The following STK24 variants were observed in gnomAD, a reference collection of about 807,000 sequenced individuals.
STK24 encodes the protein serine/threonine kinase 24.
In STK24, 21 loss-of-function variants were observed where a neutral mutation model predicts 55.6. The ratio of observed to expected loss-of-function variants is 0.38; its 90% CI spans 0.27 to 0.54. STK24 has a LOEUF of 0.54. Among genes scored for constraint, STK24 ranks in the 20% least tolerant of loss-of-function variants. The pLI is 0.79. For missense variants in STK24, 383 were observed against 538.4 expected (o/e 0.71, Z 2.86); for synonymous variants, 200 against 215.2 (o/e 0.93, Z 0.62).
At position 98,535,362 on chromosome 13, in the gene STK24, AAAAAAAAAAT is replaced by A. The variant is rs1566391893; in HGVS notation, c.43-15899_43-15890del. On this transcript the variant is annotated intron_variant, in intron 1 of 10. Transcript: ENST00000539966. Reference sequence around the variant, plus strand: ...CAAACAAACAAACAAACAAACAAACAAAAAAAAAATATATATATATATATATATGTGTGTA... The same window carrying A: ...CAAACAAACAAACAAACAAACAAACAATATATATATATATATATGTGTGTA... Among the ~76,000 whole-genome samples the A allele has an allele frequency of 6.8e-3, 107 of 15,656 alleles. 1 individual carries two copies. The highest frequency in any genetic ancestry group is 0.013 in the East Asian group (7 of 520). 10.3% of individuals were successfully genotyped at this position (15,656 alleles called of 152,430 possible). A position where few individuals can be genotyped will look rare whatever the true frequency, so the allele number is the denominator to read the frequency against.
At chr13:98,571,070 A>G (rs967083139) in intron 1 of STK24, among the ~76,000 whole-genome samples, 3 of 152,190 alleles carry the variant, frequency 2.0e-5, no homozygotes, top group Admixed American at 2.0e-4. Flanking sequence ...GCTCTGAATC[A>G]TCGGGAGTAA....
chr13:98,511,024 T>C (rs999118614), intron 2 of STK24, among the ~76,000 whole-genome samples: 69 of 152,126 alleles, frequency 4.5e-4, no homozygotes, highest in Non-Finnish European at 9.6e-4. Flanking sequence ...AGATAGACAG[T>C]GTCTCACTCT....
chr13:98,562,174 A>G (rs1389383371), intron 1 of STK24, among the ~76,000 whole-genome samples: 1 of 152,222 alleles, frequency 6.6e-6, no homozygotes, highest in Non-Finnish European at 1.5e-5. Context: ...AAATGTGTGT[A>G]CGCAGACAAC....
At chr13:98,513,434 G>A (rs1466422895) in intron 2 of STK24, among the ~76,000 whole-genome samples, 1 of 152,174 alleles carries the variant, frequency 6.6e-6, no homozygotes, top group African/African-American at 2.4e-5. Context: ...AAGCATCCCT[G>A]GCCTCCACCC....
chr13:98,494,092 T>G (rs1289364739), intron 2 of STK24, among the ~76,000 whole-genome samples: 4 of 144,984 alleles, frequency 2.8e-5, no homozygotes, highest in Admixed American at 6.8e-5. Context: ...TCCGCCCGCC[T>G]CGGCCTCCCA....
intron 1 of STK24, among the ~76,000 whole-genome samples, chr13:98,540,590 A>G (rs1424992958): frequency 6.6e-6 from 1 of 152,056 alleles, no homozygotes; most frequent in African/African-American, 2.4e-5. Context: ...TGATTTACCT[A>G]AACTTCACAT....
intron 2 of STK24, among the ~76,000 whole-genome samples, chr13:98,509,132 A>T (rs1301553887): frequency 6.6e-6 from 1 of 152,232 alleles, no homozygotes; most frequent in East Asian, 1.9e-4. Context: ...CATGTAATAA[A>T]CACATTAAAC....
chr13:98,496,915 AACAG>A (rs1386248725), intron 2 of STK24, among the ~76,000 whole-genome samples: 4 of 152,338 alleles, frequency 2.6e-5, no homozygotes, highest in African/African-American at 9.6e-5. Flanking sequence ...GAAGTCACAA[AACAG>A]ACAGTGAAAT....
chr13:98,552,600 G>T (rs1336463340), intron 1 of STK24, among the ~76,000 whole-genome samples: 7 of 152,130 alleles, frequency 4.6e-5, no homozygotes, highest in Non-Finnish European at 8.8e-5. Flanking sequence ...AGAGCTATGA[G>T]AACTGCCCAT....
intron 7 of STK24, among the ~76,000 whole-genome samples, chr13:98,463,447 AG>A (rs1893796208): frequency 6.6e-6 from 1 of 152,216 alleles, no homozygotes; most frequent in Admixed American, 6.5e-5. Context: ...TGAAACAGCC[AG>A]GTCCAGTTCC....
At chr13:98,485,874 T>C (rs1168247944) in intron 2 of STK24, among the ~76,000 whole-genome samples, 1 of 152,194 alleles carries the variant, frequency 6.6e-6, no homozygotes, top group African/African-American at 2.4e-5. Context: ...CTGGCACTTC[T>C]GGGGCTCTCT....
intron 1 of STK24, chr13:98,542,955 A>G: frequency 1.0e-6 from 1 of 985,402 alleles, no homozygotes; most frequent in Non-Finnish European, 1.2e-6. Flanking sequence ...GGGACGGAGT[A>G]CCAAGTCTCA....
intron 1 of STK24, among the ~76,000 whole-genome samples, chr13:98,562,923 A>AT: frequency 6.6e-6 from 1 of 151,526 alleles, no homozygotes; most frequent in Admixed American, 6.6e-5. Flanking sequence ...CTCTTAAAAA[A>AT]AAAAAAAAAA....
chr13:98,499,228 A>G (rs1594614299), intron 2 of STK24, among the ~76,000 whole-genome samples: 1 of 144,030 alleles, frequency 6.9e-6, no homozygotes, highest in African/African-American at 2.5e-5. Context: ...ACAAAGCAAG[A>G]CTCTATCTCA....
rs569309635 is a variant in STK24, at chr13:98,459,331, A to G, written c.1122+1041T>C. Among the ~76,000 whole-genome samples, 6 of 152,330 alleles carry G rather than the reference A, an allele frequency of 3.9e-5. No homozygotes were observed. The South Asian group carries it at 1.2e-3, about 32-fold the overall frequency. ...CCGCGTGCCCTGTGGCTTCCCCGAC[A>G]CCAGCGGGCTCGGCTACTTCCCACT... On this transcript the variant is annotated intron_variant, in intron 9 of 10. Transcript: ENST00000539966.
chr13:98,572,429 G>A (rs768987163), intron 1 of STK24, among the ~76,000 whole-genome samples: 2 of 152,100 alleles, frequency 1.3e-5, no homozygotes, highest in Admixed American at 6.6e-5. Flanking sequence ...AGGAAGGAAC[G>A]GAAAAGAACC....
At chr13:98,464,741 C>T (rs974941088) in intron 6 of STK24, among the ~76,000 whole-genome samples, 1 of 151,984 alleles carries the variant, frequency 6.6e-6, no homozygotes, top group Admixed American at 6.5e-5. Flanking sequence ...AGGTGATGCA[C>T]CTGCCTCGGC....
intron 1 of STK24, among the ~76,000 whole-genome samples, chr13:98,574,097 C>T (rs940093792): frequency 7.2e-5 from 11 of 152,132 alleles, no homozygotes; most frequent in East Asian, 1.9e-4. Context: ...ACGCAACCTC[C>T]GCCTCCCGGG....
chr13:98,478,401 C>T (rs897577083), intron 3 of STK24, among the ~76,000 whole-genome samples: 18 of 152,206 alleles, frequency 1.2e-4, no homozygotes, highest in African/African-American at 3.1e-4. Flanking sequence ...ACTAAGACCT[C>T]GCCAGTGGGT....
Sources: gnomAD v4.1 joint callset for allele counts (sites outside exome capture counted in the v4.1 genomes callset) on GRCh38, gnomAD v4.1.1 for gene constraint, MANE v1.5 for transcripts, NCBI Gene and HGNC (gene_info 2026-07-23, HGNC 2026-07-21) for gene names.